Variants in SYN3 observed in about 807,000 individuals in gnomAD.
SYN3 encodes synapsin III, also known as synapsin-3.
In SYN3, 35 loss-of-function variants were observed where a neutral mutation model predicts 65.8. The ratio of observed to expected loss-of-function variants is 0.53; its 90% CI spans 0.41 to 0.70. The LOEUF is 0.70. Ranked by LOEUF, SYN3 falls within the 30% of genes least tolerant of loss-of-function variation. The pLI, the probability that SYN3 is intolerant of heterozygous loss-of-function variation, is 0.00. For missense variants in SYN3, 680 were observed against 749.0 expected (o/e 0.91, Z 1.08); for synonymous variants, 270 against 292.9 (o/e 0.92, Z 0.80).
intron 1 of SYN3, among the ~76,000 whole-genome samples, chr22:33,017,180 T>G (rs2053481465): frequency 6.6e-6 from 1 of 152,244 alleles, no homozygotes; most frequent in South Asian, 2.1e-4. Context: ...CTCCATTGTG[T>G]GTTCTTGTCA....
At chr22:32,778,735 G>T (rs62232899) in intron 6 of SYN3, among the ~76,000 whole-genome samples, 2 of 152,052 alleles carry the variant, frequency 1.3e-5, no homozygotes, top group East Asian at 3.9e-4. Flanking sequence ...AAGAAAGTGC[G>T]TCAAAATGCA....
chr22:32,802,511 TAA>T (rs879693641), intron 6 of SYN3, among the ~76,000 whole-genome samples: 16 of 137,696 alleles, frequency 1.2e-4, no homozygotes, highest in African/African-American at 1.6e-4. Flanking sequence ...ATTGAATAGT[TAA>T]AAAAAAAAAA....
chr22:32,704,395 T>C (rs2060851783), intron 6 of SYN3, among the ~76,000 whole-genome samples: 1 of 152,196 alleles, frequency 6.6e-6, no homozygotes, highest in Non-Finnish European at 1.5e-5. Context: ...AAGGACATGA[T>C]CTCATTTTAT....
intron 6 of SYN3, among the ~76,000 whole-genome samples, chr22:32,812,959 C>A (rs2046953917): frequency 6.6e-6 from 1 of 152,168 alleles, no homozygotes; most frequent in African/African-American, 2.4e-5. Context: ...CAGTTCTGAA[C>A]AAATGAGTGC....
rs552643086 is a variant in SYN3 at position 32,867,088 on chromosome 22, G to C, written c.621+1878C>G. On this transcript the variant is annotated intron_variant, in intron 5 of 13. Coordinates refer to ENST00000358763, the MANE Select transcript of SYN3 (RefSeq NM_003490.4). ...ACACAGCTCATAAGTGGAGAAGCCT[G>C]GACCTAGGAATCTGGCTTCAGAGCT... 1.9e-4 allele frequency among the ~76,000 whole-genome samples: 29 copies of C among 152,270 alleles called. No individual in the cohort carries two copies. The South Asian group carries it at 2.3e-3, about 12-fold the overall frequency.
rs1052704661 is a variant in SYN3, at chr22:32,849,543, T to C, written c.711+15372A>G. 12 of 1,612,258 alleles carry C rather than the reference T, an allele frequency of 7.4e-6. No individual in the cohort carries two copies. The Admixed American group carries it at 8.3e-5, about 11-fold the overall frequency. On this transcript the variant is annotated intron_variant, in intron 6 of 13. Coordinates refer to ENST00000358763, the MANE Select transcript of SYN3 (RefSeq NM_003490.4). The stretch of plus-strand genomic sequence containing the variant: ...CCATCAAGCAGATGAAGGTAGGTAA[T>C]GTCATCACCCTGGCTCCGGGAAGGT...
chr22:32,696,334 G>A (rs1315826088), intron 6 of SYN3, among the ~76,000 whole-genome samples: 1 of 152,224 alleles, frequency 6.6e-6, no homozygotes, highest in African/African-American at 2.4e-5. Flanking sequence ...AGGAGTGGCT[G>A]AGAAATGTGG....
intron 1 of SYN3, among the ~76,000 whole-genome samples, chr22:33,032,951 C>T (rs556796571): frequency 3.9e-5 from 6 of 152,130 alleles, no homozygotes; most frequent in Non-Finnish European, 7.4e-5. Flanking sequence ...TGGCCTCAGG[C>T]ACACGTTCTC....
At chr22:33,017,325 T>C (rs133957) in intron 1 of SYN3, among the ~76,000 whole-genome samples, 110,002 of 152,196 alleles carry the variant, frequency 0.72, 40,545 homozygotes, top group African/African-American at 0.83. Context: ...CAAGTGCCTC[T>C]AGCTTTCTTC....
chr22:32,663,884 T>G (rs895353748), intron 6 of SYN3, among the ~76,000 whole-genome samples: 1 of 152,088 alleles, frequency 6.6e-6, no homozygotes, highest in African/African-American at 2.4e-5. Flanking sequence ...AAGAGAGAGA[T>G]AGTGGAAGGA....
intron 6 of SYN3, among the ~76,000 whole-genome samples, chr22:32,843,415 T>C (rs770225396): frequency 1.3e-5 from 2 of 152,146 alleles, no homozygotes; most frequent in African/African-American, 2.4e-5. Context: ...GCAGGCTACA[T>C]TGTAGAGTGT....
intron 3 of SYN3, among the ~76,000 whole-genome samples, chr22:32,943,471 G>A (rs1415343197): frequency 2.0e-5 from 3 of 152,082 alleles, no homozygotes; most frequent in African/African-American, 7.2e-5. Context: ...AGGAACAACC[G>A]GTACATCTGG....
At chr22:32,818,661 G>A (rs2047152019) in intron 6 of SYN3, among the ~76,000 whole-genome samples, 1 of 152,300 alleles carries the variant, frequency 6.6e-6, no homozygotes, top group South Asian at 2.1e-4. Context: ...CCCCTCCGGC[G>A]CTGGGCCTCC....
At chr22:32,529,146 C>A in intron 10 of SYN3, 138 bp from the exon 11 acceptor site, 1 of 1,051,008 alleles carries the variant, frequency 9.5e-7, no homozygotes, top group Non-Finnish European at 1.4e-6. Flanking sequence ...CAAATCACCT[C>A]CAGCTGGGAC....
chr22:32,943,277 G>A (rs978735943), intron 3 of SYN3, among the ~76,000 whole-genome samples: 17 of 152,352 alleles, frequency 1.1e-4, no homozygotes, highest in Admixed American at 5.2e-4. Flanking sequence ...CCAGAAGAGA[G>A]TGAGGGCCAA....
chr22:32,965,261 T>C (rs1238418832), intron 3 of SYN3, among the ~76,000 whole-genome samples: 2 of 152,344 alleles, frequency 1.3e-5, no homozygotes, highest in East Asian at 3.9e-4. Flanking sequence ...ATGATTTATC[T>C]GCATGATTCC....
intron 6 of SYN3, among the ~76,000 whole-genome samples, chr22:32,678,331 C>T (rs2060475203): frequency 6.6e-6 from 1 of 152,144 alleles, no homozygotes; most frequent in African/African-American, 2.4e-5. Context: ...TCAGATGTCC[C>T]TTTTCCTTTC....
chr22:32,980,415 C>T lies in SYN3; in HGVS notation c.369+230G>A, dbSNP rs1007126502. 5.3e-5 allele frequency among the ~76,000 whole-genome samples: 8 copies of T among 152,300 alleles called. 1 individual carries two copies. The highest frequency in any genetic ancestry group is 3.9e-4 in the East Asian group (2 of 5,182). On this transcript the variant is annotated intron_variant, in intron 3 of 13. Transcript: ENST00000358763. Reference sequence around the variant, plus strand: ...TGTCTCTCTTTTGTAGAATGAGTTCCTATTTGACATTTCCCTTGAAGAAAG... The same window carrying T: ...TGTCTCTCTTTTGTAGAATGAGTTCTTATTTGACATTTCCCTTGAAGAAAG...
At chr22:32,815,520 A>G (rs1183877962) in intron 6 of SYN3, among the ~76,000 whole-genome samples, 1 of 152,242 alleles carries the variant, frequency 6.6e-6, no homozygotes, top group African/African-American at 2.4e-5. Context: ...TCATTGAGGT[A>G]GGCACTCCTA....
Sources: gnomAD v4.1 joint callset for allele counts (sites outside exome capture counted in the v4.1 genomes callset) on GRCh38, gnomAD v4.1.1 for gene constraint, MANE v1.5 for transcripts, NCBI Gene and HGNC (gene_info 2026-07-23, HGNC 2026-07-21) for gene names.